TAS2R1: variants seen among roughly 807,000 people sequenced by gnomAD.
The protein encoded by TAS2R1 is taste 2 receptor member 1.
For synonymous variants in TAS2R1, 141 were observed against 134.2 expected, an observed-to-expected ratio of 1.05 and a Z score of -0.35; for missense variants, 370 against 353.4, an observed-to-expected ratio of 1.05 and a Z score of -0.38.
At chr5:9,762,546 C>T in the TAS2R1 span, among the ~76,000 whole-genome samples, 1 of 152,314 alleles carries the variant, frequency 6.6e-6, no homozygotes, top group South Asian at 2.1e-4. Context: ...TATTGCGTGT[C>T]ACAATATAGA....
At chr5:9,824,674 C>A in the TAS2R1 span, among the ~76,000 whole-genome samples, 1 of 151,976 alleles carries the variant, frequency 6.6e-6, no homozygotes, top group Non-Finnish European at 1.5e-5. Context: ...TAGTGAAACC[C>A]CGTCTCTACT....
chr5:9,665,362 C>A (rs1458528378), intron 1 of TAS2R1, among the ~76,000 whole-genome samples: 1 of 152,232 alleles, frequency 6.6e-6, no homozygotes, highest in Admixed American at 6.5e-5. Flanking sequence ...CTAATTACAT[C>A]TACAAAGTCT....
the TAS2R1 span, among the ~76,000 whole-genome samples, chr5:9,840,475 T>C: frequency 6.6e-6 from 1 of 152,214 alleles, no homozygotes; most frequent in Non-Finnish European, 1.5e-5. Context: ...GGGCATGCAC[T>C]CTTCTTGACT....
chr5:9,807,296 T>C, the TAS2R1 span, among the ~76,000 whole-genome samples: 1 of 152,194 alleles, frequency 6.6e-6, no homozygotes, highest in Admixed American at 6.5e-5. Flanking sequence ...ACATTTACAC[T>C]GTGGGTGGGA....
the TAS2R1 span, among the ~76,000 whole-genome samples, chr5:9,836,057 T>A: frequency 4.6e-5 from 7 of 152,136 alleles, no homozygotes; most frequent in South Asian, 1.5e-3. Flanking sequence ...GGGCAGGTCT[T>A]TCCCATGCTG....
chr5:9,744,410 G>A, the TAS2R1 span, among the ~76,000 whole-genome samples: 2 of 152,052 alleles, frequency 1.3e-5, no homozygotes, highest in Non-Finnish European at 2.9e-5. Flanking sequence ...GAAAAATATT[G>A]GATAAAACCC....
the TAS2R1 span, among the ~76,000 whole-genome samples, chr5:9,846,619 G>A: frequency 6.6e-6 from 1 of 152,038 alleles, no homozygotes; most frequent in Non-Finnish European, 1.5e-5. Flanking sequence ...TTACTCTTAT[G>A]AGAACTGCAT....
chr5:9,729,857 G>A, the TAS2R1 span, among the ~76,000 whole-genome samples: 1 of 152,010 alleles, frequency 6.6e-6, no homozygotes, highest in Non-Finnish European at 1.5e-5. Context: ...ACAGTTTATT[G>A]AGCATTAAGC....
At chr5:9,836,601 G>A in the TAS2R1 span, among the ~76,000 whole-genome samples, 1 of 152,182 alleles carries the variant, frequency 6.6e-6, no homozygotes, top group Non-Finnish European at 1.5e-5. Flanking sequence ...GGAATGCTAA[G>A]AGGAATAACT....
the TAS2R1 span, among the ~76,000 whole-genome samples, chr5:9,815,413 T>C: frequency 2.0e-5 from 3 of 152,172 alleles, no homozygotes; most frequent in Non-Finnish European, 4.4e-5. Context: ...TGTGTGTTTA[T>C]ATTAGATAAG....
At chr5:9,749,676 G>A in the TAS2R1 span, among the ~76,000 whole-genome samples, 1 of 152,178 alleles carries the variant, frequency 6.6e-6, no homozygotes, top group Non-Finnish European at 1.5e-5. Flanking sequence ...ACACAAACAA[G>A]AGAAAAATCA....
the TAS2R1 span, among the ~76,000 whole-genome samples, chr5:9,739,087 C>A: frequency 6.6e-6 from 1 of 152,202 alleles, no homozygotes; most frequent in Non-Finnish European, 1.5e-5. Flanking sequence ...AAGAAGACAG[C>A]CTTTAACTGC....
chr5:9,706,456 T>C (rs780387083), intron 1 of TAS2R1, among the ~76,000 whole-genome samples: 1 of 152,232 alleles, frequency 6.6e-6, no homozygotes, highest in Non-Finnish European at 1.5e-5. Flanking sequence ...CACAGCGTCA[T>C]TCATGGTTCC....
the TAS2R1 span, among the ~76,000 whole-genome samples, chr5:9,869,658 C>A: frequency 6.6e-6 from 1 of 152,164 alleles, no homozygotes; most frequent in Non-Finnish European, 1.5e-5. Context: ...GATGTATTAT[C>A]ATAATTCATT....
the TAS2R1 span, among the ~76,000 whole-genome samples, chr5:9,791,948 A>T: frequency 6.6e-6 from 1 of 152,186 alleles, no homozygotes; most frequent in Non-Finnish European, 1.5e-5. Context: ...TGTATAAATA[A>T]TATATTCTCA....
At chr5:9,861,037 G>GGTTTTTTTTTTTTT in the TAS2R1 span, among the ~76,000 whole-genome samples, 3 of 88,610 alleles carry the variant, frequency 3.4e-5, no homozygotes, top group African/African-American at 1.3e-4. Flanking sequence ...GGAAGATGAG[G>GGTTTTTTTTTTTTT]TTTTTTTTTT....
At chr5:9,837,986 G>A in the TAS2R1 span, among the ~76,000 whole-genome samples, 2 of 152,190 alleles carry the variant, frequency 1.3e-5, no homozygotes, top group African/African-American at 4.8e-5. Flanking sequence ...ATATCTGTGA[G>A]TCCCAGCATT....
the TAS2R1 span, among the ~76,000 whole-genome samples, chr5:9,746,219 C>G: frequency 6.6e-6 from 1 of 152,112 alleles, no homozygotes; most frequent in Admixed American, 6.5e-5. Context: ...CAATGAGATA[C>G]CATCTCATGC....
the TAS2R1 span, among the ~76,000 whole-genome samples, chr5:9,868,907 C>T: frequency 6.6e-6 from 1 of 152,174 alleles, no homozygotes; most frequent in African/African-American, 2.4e-5. Flanking sequence ...GACCTTTTCT[C>T]CAGTTCCCAG....
Sources: allele counts gnomAD v4.1 joint callset (sites outside exome capture counted in the v4.1 genomes callset), GRCh38; gene constraint gnomAD v4.1.1; transcripts MANE v1.5; gene names NCBI Gene and HGNC (gene_info 2026-07-23, HGNC 2026-07-21).